Variants in ENDOD1 observed in about 807,000 individuals in gnomAD.
ENDOD1 encodes endonuclease domain containing 1, also known as endonuclease domain-containing 1 protein.
A neutral mutation model predicts 6.5 loss-of-function variants in ENDOD1; 9 were observed. The observed-to-expected ratio is 1.39, with a 90% CI of 0.84 to 2.43. The LOEUF (loss-of-function observed/expected upper bound fraction) is 2.43, where lower values mean the gene tolerates loss of function less well. Among genes scored for constraint, ENDOD1 ranks in the 30% most tolerant of loss-of-function variants. The pLI is 0.00. For synonymous variants in ENDOD1, 255 were observed against 255.2 expected (o/e 1.00, Z 0.01); for missense variants, 648 against 635.5 (o/e 1.02, Z -0.21).
intron 1 of ENDOD1, among the ~76,000 whole-genome samples, chr11:95,100,412 C>T (rs1859027059): frequency 6.6e-6 from 1 of 152,146 alleles, no homozygotes; most frequent in Admixed American, 6.5e-5. Context: ...ATCTGTGTCC[C>T]TTCCCTTTCC....
At chr11:95,124,525 AG>A (rs150317557) in intron 1 of ENDOD1, among the ~76,000 whole-genome samples, 3,114 of 152,330 alleles carry the variant, frequency 0.02, 97 homozygotes, top group African/African-American at 0.07. Context: ...AAGCAGGGGA[AG>A]GGGAGGGAAG....
At chr11:95,123,260 C>A (rs1312706427) in intron 1 of ENDOD1, among the ~76,000 whole-genome samples, 1 of 147,878 alleles carries the variant, frequency 6.8e-6, no homozygotes, top group Non-Finnish European at 1.5e-5. Flanking sequence ...GTTAAAGTGA[C>A]TTCATAATGT....
At chr11:95,111,305 C>T (rs1859148189) in intron 1 of ENDOD1, among the ~76,000 whole-genome samples, 1 of 152,110 alleles carries the variant, frequency 6.6e-6, no homozygotes, top group African/African-American at 2.4e-5. Flanking sequence ...TAGAAGTCCC[C>T]AACCTTTTAG....
intron 1 of ENDOD1, among the ~76,000 whole-genome samples, chr11:95,108,154 A>T (rs540283685): frequency 4.3e-4 from 66 of 152,132 alleles, no homozygotes; most frequent in Non-Finnish European, 2.1e-4. Flanking sequence ...TCCTCCTTTT[A>T]TTTTTATTTT....
intron 1 of ENDOD1, among the ~76,000 whole-genome samples, chr11:95,128,002 CA>C (rs1859327628): frequency 6.6e-6 from 1 of 152,158 alleles, no homozygotes; most frequent in African/African-American, 2.4e-5. Context: ...TCAGATGATC[CA>C]CCCGCCTCAG....
chr11:95,122,957 G>A (rs1859276330), intron 1 of ENDOD1, among the ~76,000 whole-genome samples: 1 of 152,112 alleles, frequency 6.6e-6, no homozygotes, highest in Non-Finnish European at 1.5e-5. Flanking sequence ...GGGAGGCCGA[G>A]GCGGGCAGAT....
At chr11:95,114,833 A>T (rs1859189760) in intron 1 of ENDOD1, among the ~76,000 whole-genome samples, 1 of 152,090 alleles carries the variant, frequency 6.6e-6, no homozygotes, top group Non-Finnish European at 1.5e-5. Flanking sequence ...TGGGTTATTT[A>T]TTCTGTTCCA....
chr11:95,112,274 T>C (rs1347811677), intron 1 of ENDOD1, among the ~76,000 whole-genome samples: 1 of 152,250 alleles, frequency 6.6e-6, no homozygotes, highest in Non-Finnish European at 1.5e-5. Flanking sequence ...CAGTGTCTGC[T>C]CTGTGGCTGT....
chr11:95,093,205 A>G (rs1858947874), intron 1 of ENDOD1, among the ~76,000 whole-genome samples: 1 of 152,260 alleles, frequency 6.6e-6, no homozygotes, highest in Non-Finnish European at 1.5e-5. Context: ...TCCATAGCCT[A>G]GCTCCTGTCT....
chr11:95,095,532 G>T (rs1030598322), intron 1 of ENDOD1, among the ~76,000 whole-genome samples: 13 of 65,628 alleles, frequency 2.0e-4, no homozygotes, highest in Non-Finnish European at 4.2e-4. Context: ...GTATTTACCT[G>T]CGTTGGCAGA....
chr11:95,132,048 C>G lies in ENDOD1; in HGVS notation c.*2469C>G. The G allele has an allele frequency of 6.5e-6, 1 of 152,678 alleles. No individual in the cohort carries two copies. Among genetic ancestry groups the G allele is most frequent in the East Asian group, 1.9e-4 (1 of 5,202 alleles). 9.5% of individuals were successfully genotyped at this position (152,678 alleles called of 1,614,324 possible). A position where few individuals can be genotyped will look rare whatever the true frequency, so the allele number is the denominator to read the frequency against. ...CAGGTGGCTGGACTGCTGGCCTGTT[C>G]CTAATGAGCTACGCTGGGCTTTGAG... On this transcript the variant is annotated 3_prime_UTR_variant, in exon 2 of 2. Transcript: ENST00000278505.
rs760649286 is a variant in ENDOD1 at position 95,122,221 on chromosome 11, A to G, written c.301-6156A>G. 1.8e-4 allele frequency among the ~76,000 whole-genome samples: 27 copies of G among 151,922 alleles called. 1 individual carries two copies. Among genetic ancestry groups the G allele is most frequent in the Admixed American group, 6.6e-5 (1 of 15,238 alleles). ...ATAGTATTACTATTGTTATTTTTCT[A>G]TATATTTTTTTCAGTTTTTGAGACA... On this transcript the variant is annotated intron_variant, in intron 1 of 1. Transcript: ENST00000278505.
chr11:95,093,125 A>G (rs781987973), intron 1 of ENDOD1, among the ~76,000 whole-genome samples: 1 of 152,186 alleles, frequency 6.6e-6, no homozygotes, highest in Non-Finnish European at 1.5e-5. Flanking sequence ...TGTGCTGAAA[A>G]TCTGTAAAGT....
rs549193151 is a variant in ENDOD1, at chr11:95,113,910, T to C, written c.301-14467T>C. On this transcript the variant is annotated intron_variant, in intron 1 of 1. Coordinates refer to ENST00000278505, the MANE Select transcript of ENDOD1 (RefSeq NM_015036.3). The stretch of plus-strand genomic sequence containing the variant: ...CAACAGTGTAAGAGGGTTACTTTTT[T>C]TCTGCATCTTTACCAGCATTTGTTA... Among the ~76,000 whole-genome samples, 9 of 152,346 alleles carry C rather than the reference T, an allele frequency of 5.9e-5. No homozygotes were observed. The South Asian group carries it at 1.9e-3, about 32-fold the overall frequency.
chr11:95,116,410 GTCAGTTTTGTTCAACTTT>G (rs1227456206), intron 1 of ENDOD1, among the ~76,000 whole-genome samples: 4 of 152,108 alleles, frequency 2.6e-5, no homozygotes, highest in African/African-American at 9.6e-5. Flanking sequence ...TGGCTACTAA[GTCAGTTTTGTTCAACTTT>G]TCAAAAAATC....
intron 1 of ENDOD1, among the ~76,000 whole-genome samples, chr11:95,115,559 G>C (rs1364664753): frequency 6.6e-6 from 1 of 152,014 alleles, no homozygotes; most frequent in African/African-American, 2.4e-5. Context: ...GTGAAAGTGG[G>C]CATCCTTGTC....
intron 1 of ENDOD1, among the ~76,000 whole-genome samples, chr11:95,094,823 A>T (rs1426234077): frequency 3.9e-5 from 6 of 152,248 alleles, no homozygotes; most frequent in Non-Finnish European, 8.8e-5. Flanking sequence ...TAAGAGACTT[A>T]ATTCAGATCC....
chr11:95,123,517 C>T (rs1023588912), intron 1 of ENDOD1, among the ~76,000 whole-genome samples: 1 of 148,986 alleles, frequency 6.7e-6, no homozygotes, highest in East Asian at 2.0e-4. Context: ...GTTCTTGTTA[C>T]CATCAGTAAA....
intron 1 of ENDOD1, among the ~76,000 whole-genome samples, chr11:95,113,556 A>ATGT (rs1859170820): frequency 6.6e-6 from 1 of 152,180 alleles, no homozygotes; most frequent in Non-Finnish European, 1.5e-5. Flanking sequence ...AGTTCCATCT[A>ATGT]TGTTGTTGCA....
Sources: gnomAD v4.1 joint callset for allele counts (sites outside exome capture counted in the v4.1 genomes callset) on GRCh38, gnomAD v4.1.1 for gene constraint, MANE v1.5 for transcripts, NCBI Gene and HGNC (gene_info 2026-07-23, HGNC 2026-07-21) for gene names.